ZNF875: variants seen among roughly 807,000 people sequenced by gnomAD.
ZNF875 encodes zinc finger protein 875, also known as HKR1, GLI-Kruppel zinc finger family member.
ZNF875 carries 14 observed loss-of-function variants against 11.2 expected under a neutral mutation model. The ratio of observed to expected loss-of-function variants is 1.26; its 90% CI spans 0.83 to 1.96. ZNF875 has a LOEUF of 1.96. Ranked by LOEUF, ZNF875 falls within the 30% of genes most tolerant of loss-of-function variation. The probability of loss-of-function intolerance (pLI) is 0.00; values close to 1 mark genes in which losing one functional copy is unlikely to be tolerated. For missense variants in ZNF875, 752 were observed against 760.4 expected, an observed-to-expected ratio of 0.99 and a Z score of 0.13; for synonymous variants, 301 against 281.1, an observed-to-expected ratio of 1.07 and a Z score of -0.71.
At chr19:37,347,569 A>G (rs533676754) in intron 3 of ZNF875, 4 of 610,566 alleles carry the variant, frequency 6.6e-6, no homozygotes, top group Non-Finnish European at 1.2e-5. Flanking sequence ...CTTCAAACCC[A>G]GGAAATTTTT....
At chr19:37,328,131 T>C (rs1411344088) in intron 4 of ZNF875, among the ~76,000 whole-genome samples, 1 of 151,920 alleles carries the variant, frequency 6.6e-6, no homozygotes, top group Non-Finnish European at 1.5e-5. Context: ...CCCCAGCTAT[T>C]TGGGAGACTG....
At chr19:37,331,083 A>C (rs1395101919), upstream of ZNF875, among the ~76,000 whole-genome samples, 1 of 147,868 alleles carries the variant, frequency 6.8e-6, no homozygotes, top group African/African-American at 2.5e-5. Context: ...GCTACTCGGG[A>C]GGCTGAGACA....
At chr19:37,327,900 G>A (rs1599896048) in intron 4 of ZNF875, among the ~76,000 whole-genome samples, 1 of 152,214 alleles carries the variant, frequency 6.6e-6, no homozygotes, top group East Asian at 1.9e-4. Context: ...TCTTTCCTGT[G>A]CTCGAATGGA....
At chr19:37,327,777 AAT>A (rs1191180987) in intron 4 of ZNF875, among the ~76,000 whole-genome samples, 6 of 151,616 alleles carry the variant, frequency 4.0e-5, no homozygotes, top group Non-Finnish European at 7.4e-5. Flanking sequence ...AAAAAAAAAA[AAT>A]CATACTCGCT....
intron 3 of ZNF875, among the ~76,000 whole-genome samples, chr19:37,323,890 A>G (rs945860926): frequency 4.6e-5 from 7 of 152,176 alleles, no homozygotes; most frequent in African/African-American, 1.7e-4. Context: ...GTGCATGTGC[A>G]TCTCTTCTGA....
intron 4 of ZNF875, among the ~76,000 whole-genome samples, chr19:37,350,106 CTT>C (rs34388347): frequency 0.022 from 1,431 of 63,604 alleles, 177 homozygotes; most frequent in South Asian, 0.043. Flanking sequence ...CCCCACTGGC[CTT>C]TTTTTTTTTT....
intron 2 of ZNF875, among the ~76,000 whole-genome samples, chr19:37,339,547 T>TG (rs1555799195): frequency 6.9e-6 from 1 of 144,174 alleles, no homozygotes; most frequent in Non-Finnish European, 1.5e-5. Flanking sequence ...CCTGCCAGTT[T>TG]TTTTTTTTTT....
intron 4 of ZNF875, among the ~76,000 whole-genome samples, chr19:37,325,550 C>A (rs2032281061): frequency 6.8e-6 from 1 of 146,488 alleles, no homozygotes; most frequent in Non-Finnish European, 1.5e-5. Flanking sequence ...AAATCATTTA[C>A]TTTTTTTTTT....
At chr19:37,315,920 T>C (rs367944815), upstream of ZNF875, among the ~76,000 whole-genome samples, 11 of 152,288 alleles carry the variant, frequency 7.2e-5, no homozygotes, top group South Asian at 8.3e-4. Context: ...TGTGTAAGAA[T>C]GCTATTATTA....
intron 4 of ZNF875, among the ~76,000 whole-genome samples, chr19:37,354,224 C>A (rs1419375359): frequency 1.2e-5 from 1 of 82,766 alleles, no homozygotes; most frequent in African/African-American, 5.4e-5. Context: ...TTTTCTTTCC[C>A]CCTCCCCTCC....
rs1042485853 is a variant in ZNF875, at chr19:37,363,867, T to C, written c.*92T>C. 15 of 1,068,838 alleles carry C rather than the reference T, an allele frequency of 1.4e-5. No individual in the cohort carries two copies. The highest frequency in any genetic ancestry group is 1.9e-5 in the Non-Finnish European group (14 of 720,176). The allele number at this position is 1,068,838 out of a possible 1,614,324, so 66.2% of individuals were successfully genotyped here. Reference sequence around the variant, plus strand: ...AGGACACACACAGTGCTGTGGCTTTTTCAGCCATTGCTAGATACCAAAGTG... The same window carrying C: ...AGGACACACACAGTGCTGTGGCTTTCTCAGCCATTGCTAGATACCAAAGTG... On this transcript the variant is annotated 3_prime_UTR_variant, in exon 5 of 5. Coordinates refer to ENST00000392153, the MANE Select transcript of ZNF875 (RefSeq NM_001353803.2).
At chr19:37,340,786 C>A (rs568723560) in intron 2 of ZNF875, among the ~76,000 whole-genome samples, 2 of 151,110 alleles carry the variant, frequency 1.3e-5, no homozygotes, top group African/African-American at 4.9e-5. Context: ...GTAGCTGGGA[C>A]TACAGGTGCC....
chr19:37,335,633 A>G (rs758951179), intron 2 of ZNF875, among the ~76,000 whole-genome samples: 36 of 152,178 alleles, frequency 2.4e-4, no homozygotes, highest in Non-Finnish European at 3.2e-4. Context: ...ATTGTCAGGT[A>G]ATTGTCAGTT....
chr19:37,314,904 A>G (rs987583774), upstream of ZNF875: 3 of 152,202 alleles, frequency 2.0e-5, no homozygotes, highest in African/African-American at 7.2e-5. Flanking sequence ...TATTAATAAC[A>G]TATCACAGAA....
In ZNF875 at chr19:37,362,313, G is replaced by A. The variant is rs748227196; in HGVS notation, c.461G>A (p.Trp154Ter). Residue 154 changes from tryptophan (W) to a stop codon, truncating the protein, a stop_gained, in exon 5 of 5, where the codon TGG (tryptophan) becomes TAG (stop). Coordinates refer to ENST00000392153, the MANE Select transcript of ZNF875 (RefSeq NM_001353803.2). LOFTEE classifies it low-confidence loss of function (END_TRUNC). ...DPFCFSGKAE[W>*]IQEGEDSRLL... ...TTCTGCTTTAGTGGCAAAGCAGAAT[G>A]GATTCAAGAGGGAGAAGACTCCAGA... 6.2e-7 allele frequency: 1 copy of A among 1,614,102 alleles called. No individual in the cohort carries two copies. Among genetic ancestry groups the A allele is most frequent in the Non-Finnish European group, 8.5e-7 (1 of 1,180,008 alleles).
intron 2 of ZNF875, among the ~76,000 whole-genome samples, chr19:37,339,433 A>G (rs919929717): frequency 6.6e-6 from 1 of 152,034 alleles, no homozygotes; most frequent in Admixed American, 6.6e-5. Flanking sequence ...AGCTTTGTAC[A>G]TGAAATTCTT....
chr19:37,337,295 G>A (rs557127840), intron 2 of ZNF875: 85 of 152,302 alleles, frequency 5.6e-4, no homozygotes, highest in Middle Eastern at 3.4e-3. Flanking sequence ...CTCTCGGTCA[G>A]GGTGGGGACA....
At chr19:37,357,521 A>C (rs1280654450) in intron 4 of ZNF875, among the ~76,000 whole-genome samples, 3 of 152,106 alleles carry the variant, frequency 2.0e-5, no homozygotes, top group Non-Finnish European at 4.4e-5. Context: ...AGTGTTTTGT[A>C]GTTCTCCTCG....
chr19:37,354,119 T>C (rs2038438028), intron 4 of ZNF875, among the ~76,000 whole-genome samples: 1 of 152,124 alleles, frequency 6.6e-6, no homozygotes, highest in Non-Finnish European at 1.5e-5. Context: ...TGGATATATG[T>C]AATTTCTATT....
Sources: allele counts gnomAD v4.1 joint callset (sites outside exome capture counted in the v4.1 genomes callset), GRCh38; gene constraint gnomAD v4.1.1; transcripts MANE v1.5; gene names NCBI Gene and HGNC (gene_info 2026-07-23, HGNC 2026-07-21).